The following ABCA6 variants were observed in gnomAD, a reference collection of about 807,000 sequenced individuals.
The protein encoded by ABCA6 is ATP binding cassette subfamily A member 6, also known as ATP-binding cassette sub-family A member 6.
ABCA6 carries 164 observed loss-of-function variants against 191.2 expected under a neutral mutation model. The ratio of observed to expected loss-of-function variants is 0.86; its 90% confidence interval spans 0.76 to 0.98. The LOEUF (loss-of-function observed/expected upper bound fraction) is 0.98, where lower values mean the gene tolerates loss of function less well. Ranked by LOEUF, ABCA6 falls within the 50% of genes least tolerant of loss-of-function variation. The pLI is 0.00. For synonymous variants in ABCA6, 636 were observed against 647.7 expected, an observed-to-expected ratio of 0.98 and a Z score of 0.27; for missense variants, 1,958 against 1,894.1, an observed-to-expected ratio of 1.03 and a Z score of -0.63.
At chr17:69,139,327 C>T (rs573476950) in intron 2 of ABCA6, among the ~76,000 whole-genome samples, 29 of 152,186 alleles carry the variant, frequency 1.9e-4, no homozygotes, top group African/African-American at 6.0e-4. Flanking sequence ...ATTTATGCAG[C>T]CAAAAGACAC....
chr17:69,106,054 TTTTAAC>T lies in ABCA6; in HGVS notation c.2541_2546del (p.Leu848_Lys849del). On this transcript the variant is annotated inframe_deletion, in exon 19 of 39. Coordinates refer to ENST00000284425, the MANE Select transcript of ABCA6 (RefSeq NM_080284.3). Reference sequence around the variant, plus strand: ...GGGTCAATAACACTTTAGTTTGACGTTTTAACTTTAAGAAACGGAGCCGTGCCATGG... The same window carrying T: ...GGGTCAATAACACTTTAGTTTGACGTTTTAAGAAACGGAGCCGTGCCATGG... 1 of 1,612,788 alleles carries T rather than the reference TTTTAAC, an allele frequency of 6.2e-7. No homozygotes were observed. The highest frequency in any genetic ancestry group is 8.5e-7 in the Non-Finnish European group (1 of 1,179,380).
At chr17:69,110,288 C>T (rs1485248993) in intron 17 of ABCA6, 1 of 152,974 alleles carries the variant, frequency 6.5e-6, no homozygotes, top group Non-Finnish European at 1.5e-5. Context: ...CTTCTGCATT[C>T]ACCTGTACAC....
In ABCA6 at chr17:69,100,806, T is replaced by C. The variant is rs745430567; in HGVS notation, c.3003A>G (p.Pro1001=). 9 of 1,608,598 alleles carry C rather than the reference T, an allele frequency of 5.6e-6. No homozygotes were observed. The highest frequency in any genetic ancestry group is 5.1e-5 in the Admixed American group (3 of 59,094). ...HTQHIRIESS[P]FPLSHIGLWT... Reference sequence around the variant, plus strand: ...TAAATCCAATACTTACAAGAGGAAATGGGCTTGACTCAATTCGAATATGTT... The same window carrying C: ...TAAATCCAATACTTACAAGAGGAAACGGGCTTGACTCAATTCGAATATGTT... Residue 1001 remains proline (P), a synonymous_variant, in exon 22 of 39, where the codon CCA becomes CCG. Transcript: ENST00000284425.
intron 28 of ABCA6, 48 bp downstream of exon 28, chr17:69,088,119 G>A: frequency 2.0e-6 from 3 of 1,463,838 alleles, no homozygotes; most frequent in Non-Finnish European, 2.8e-6. Context: ...ACACCATCTA[G>A]GAATGTTAAA....
At chr17:69,097,870 T>C in intron 23 of ABCA6, 50 bp downstream of exon 23, 1 of 1,331,764 alleles carries the variant, frequency 7.5e-7, no homozygotes, top group Non-Finnish European at 1.0e-6. Context: ...GCATTCAAAA[T>C]ACAGATATTG....
In ABCA6 at chr17:69,140,670, T is replaced by A; in HGVS notation, c.34A>T (p.Thr12Ser). 1 of 1,601,678 alleles carries A rather than the reference T, an allele frequency of 6.2e-7. No individual in the cohort carries two copies. Among genetic ancestry groups the A allele is most frequent in the Non-Finnish European group, 8.5e-7 (1 of 1,174,388 alleles). Residue 12 changes from threonine (T) to serine (S), a missense_variant, in exon 2 of 39, where the codon ACC becomes TCC. Physicochemically the swap from Thr to Ser is moderately conservative, Grantham distance 58. Coordinates refer to ENST00000284425, the MANE Select transcript of ABCA6 (RefSeq NM_080284.3). Reference protein sequence around the residue: ...NMKQKSVYQQTKALLCKNFLK... With the variant: ...NMKQKSVYQQSKALLCKNFLK... ...AAATTCTTGCACAGAAGTGCTTTGG[T>A]TTGCTGATACACGCTTTTCTGTTTC... is the stretch of plus-strand genomic sequence containing the variant.
intron 17 of ABCA6, 102 bp downstream of exon 17, chr17:69,110,699 A>C (rs1386783390): frequency 1.4e-6 from 2 of 1,389,430 alleles, no homozygotes; most frequent in African/African-American, 2.9e-5. Flanking sequence ...GGTGGCCAAA[A>C]CTAAGAAAAA....
At chr17:69,139,298 A>T (rs2073993969) in intron 2 of ABCA6, among the ~76,000 whole-genome samples, 1 of 152,240 alleles carries the variant, frequency 6.6e-6, no homozygotes, top group African/African-American at 2.4e-5. Flanking sequence ...ATATGAAAAG[A>T]CACTTCTCAA....
Position 69,105,862 on chromosome 17 carries a change from C to T in ABCA6, c.2573+166G>A, listed in dbSNP as rs114693931. ...ACACACCTGCACGTATAAGCTTAAT[C>T]GAGTGTGAACATACAGGTATTCCCA... On this transcript the variant is annotated intron_variant, in intron 19 of 38. Coordinates refer to ENST00000284425, the MANE Select transcript of ABCA6 (RefSeq NM_080284.3). The T allele has an allele frequency of 2.6e-3, 2,111 of 797,054 alleles. 24 individuals are homozygous for T. In the African/African-American group the frequency reaches 0.031, roughly 12 times the overall value. 49.4% of individuals were successfully genotyped at this position (797,054 alleles called of 1,614,324 possible). A position where few individuals can be genotyped will look rare whatever the true frequency, so the allele number is the denominator to read the frequency against.
chr17:69,116,331 CAT>C (rs1568023490), intron 11 of ABCA6, among the ~76,000 whole-genome samples: 5 of 152,068 alleles, frequency 3.3e-5, no homozygotes, highest in South Asian at 4.1e-4. Context: ...AATCACTTAG[CAT>C]AGTTTCCCGC....
At position 69,138,633 on chromosome 17, in the gene ABCA6, G is replaced by A. The variant is rs866424644; in HGVS notation, c.97-1133C>T. Reference sequence around the variant, plus strand: ...ACGGAACCAAAAAAGAGCCCGCATCGCCAAGTCAATCCTAAGCCAAAAGAA... The same window carrying A: ...ACGGAACCAAAAAAGAGCCCGCATCACCAAGTCAATCCTAAGCCAAAAGAA... On this transcript the variant is annotated intron_variant, in intron 2 of 38. Coordinates refer to ENST00000284425, the MANE Select transcript of ABCA6 (RefSeq NM_080284.3). 3.1e-4 allele frequency among the ~76,000 whole-genome samples: 46 copies of A among 150,772 alleles called. 1 individual carries two copies. Among genetic ancestry groups the A allele is most frequent in the African/African-American group, 9.7e-4 (40 of 41,096 alleles).
chr17:69,135,989 T>C (rs776635597), intron 4 of ABCA6, 103 bp downstream of exon 4: 3 of 1,119,906 alleles, frequency 2.7e-6, no homozygotes, highest in Non-Finnish European at 3.9e-6. Context: ...GCTTTCCCTG[T>C]TTTCTCATGT....
chr17:69,105,747 C>G, intron 19 of ABCA6, 119 bp from the exon 20 acceptor site: 1 of 859,324 alleles, frequency 1.2e-6, no homozygotes, highest in Non-Finnish European at 1.8e-6. Context: ...ATTCTAGGTG[C>G]TAAAATTCTG....
At chr17:69,103,908 G>T in intron 20 of ABCA6, 1 of 9,610 alleles carries the variant, frequency 1.0e-4, no homozygotes, top group Non-Finnish European at 2.7e-4. Context: ...AGGAAAAGAA[G>T]GACTTTTTTT....
At chr17:69,099,319 T>C (rs2073123339) in intron 22 of ABCA6, among the ~76,000 whole-genome samples, 1 of 152,042 alleles carries the variant, frequency 6.6e-6, no homozygotes, top group Non-Finnish European at 1.5e-5. Context: ...ATAAATTCTG[T>C]TTTTCATCAT....
chr17:69,110,033 C>T (rs1293769573), intron 17 of ABCA6: 2 of 152,108 alleles, frequency 1.3e-5, no homozygotes, highest in East Asian at 3.9e-4. Flanking sequence ...GCTGTTGCAC[C>T]TCAAACTGCA....
chr17:69,092,494 A>G (rs1035048691), intron 25 of ABCA6, among the ~76,000 whole-genome samples: 7 of 152,182 alleles, frequency 4.6e-5, no homozygotes, highest in Admixed American at 3.9e-4. Context: ...AGAGGAGTCT[A>G]AACTTTGACA....
intron 27 of ABCA6, among the ~76,000 whole-genome samples, chr17:69,088,547 G>C (rs553117592): frequency 6.6e-6 from 1 of 152,218 alleles, no homozygotes; most frequent in Non-Finnish European, 1.5e-5. Flanking sequence ...CCCAGGCCTA[G>C]GTCATTATAA....
intron 2 of ABCA6, among the ~76,000 whole-genome samples, chr17:69,139,633 A>G (rs1213715113): frequency 1.3e-5 from 2 of 152,154 alleles, no homozygotes; most frequent in African/African-American, 2.4e-5. Context: ...TGCTGCTATA[A>G]AGACACATGC....
Sources: allele counts gnomAD v4.1 joint callset (sites outside exome capture counted in the v4.1 genomes callset), GRCh38; gene constraint gnomAD v4.1.1; transcripts MANE v1.5; gene names NCBI Gene and HGNC (gene_info 2026-07-23, HGNC 2026-07-21).